Variants in ZFPM2 observed in about 807,000 individuals in gnomAD.
ZFPM2 encodes the protein zinc finger protein, FOG family member 2.
ZFPM2 carries 20 observed loss-of-function variants against 98.6 expected under a neutral mutation model. The ratio of observed to expected loss-of-function variants is 0.20; its 90% CI spans 0.14 to 0.29. The LOEUF (loss-of-function observed/expected upper bound fraction) is 0.29. ZFPM2 is among the 10% of genes least tolerant of loss of function. ZFPM2 has a pLI of 1.00. For missense variants in ZFPM2, 1,310 were observed against 1,388.6 expected (o/e 0.94, Z 0.90); for synonymous variants, 518 against 502.7 (o/e 1.03, Z -0.41).
At position 105,346,309 on chromosome 8, in the gene ZFPM2, G is replaced by C. The variant is rs528361982; in HGVS notation, c.40+27328G>C. Among the ~76,000 whole-genome samples, 6 of 151,830 alleles carry C rather than the reference G, an allele frequency of 4.0e-5. No individual in the cohort carries two copies. In the South Asian group the frequency reaches 1.2e-3, roughly 32 times the overall value. On this transcript the variant is annotated intron_variant, in intron 1 of 7. Transcript: ENST00000407775. ...TGAGGCAGGAGAATCGCTTGAACCC[G>C]GGAGGCGGAGGTTGCAGTGAGCCGA...
intron 1 of ZFPM2, among the ~76,000 whole-genome samples, chr8:105,320,515 A>G (rs1214132197): frequency 2.0e-5 from 3 of 152,166 alleles, no homozygotes; most frequent in South Asian, 2.1e-4. Context: ...TTAGGACTCA[A>G]TTGATCAGAT....
At chr8:105,346,777 G>T (rs533846871) in intron 1 of ZFPM2, among the ~76,000 whole-genome samples, 44 of 152,136 alleles carry the variant, frequency 2.9e-4, no homozygotes, top group Non-Finnish European at 3.7e-4. Flanking sequence ...GGGTTAAGGG[G>T]TTTTTTTTCA....
At chr8:105,655,043 AGT>A (rs1313373007) in intron 5 of ZFPM2, among the ~76,000 whole-genome samples, 2 of 152,142 alleles carry the variant, frequency 1.3e-5, no homozygotes, top group African/African-American at 4.8e-5. Context: ...TTATTTACAT[AGT>A]AATGATAAAT....
chr8:105,374,824 A>G (rs1810691650), intron 1 of ZFPM2, among the ~76,000 whole-genome samples: 1 of 152,148 alleles, frequency 6.6e-6, no homozygotes, highest in South Asian at 2.1e-4. Context: ...TCAGAGTCCA[A>G]GATAACTCCT....
At chr8:105,460,762 A>G (rs1057228494) in intron 3 of ZFPM2, among the ~76,000 whole-genome samples, 10 of 147,578 alleles carry the variant, frequency 6.8e-5, no homozygotes, top group African/African-American at 2.5e-4. Context: ...GGTTATACAT[A>G]CAAAATGAAC....
At chr8:105,435,896 A>C (rs1812110481) in intron 2 of ZFPM2, among the ~76,000 whole-genome samples, 1 of 152,210 alleles carries the variant, frequency 6.6e-6, no homozygotes, top group African/African-American at 2.4e-5. Flanking sequence ...GCATTAAAAA[A>C]TGAATTATGT....
At chr8:105,604,139 G>A (rs1816148800) in intron 4 of ZFPM2, among the ~76,000 whole-genome samples, 1 of 151,948 alleles carries the variant, frequency 6.6e-6, no homozygotes, top group Admixed American at 6.6e-5. Context: ...ACCCTAAGAT[G>A]ACTCCTATCT....
chr8:105,531,466 G>T (rs772826000), intron 3 of ZFPM2, among the ~76,000 whole-genome samples: 4 of 152,034 alleles, frequency 2.6e-5, no homozygotes, highest in Non-Finnish European at 5.9e-5. Context: ...GTCATCTCAT[G>T]ACCATCTTCT....
At chr8:105,670,495 CAAAAAAA>C (rs1160128174) in intron 5 of ZFPM2, among the ~76,000 whole-genome samples, 2 of 49,278 alleles carry the variant, frequency 4.1e-5, no homozygotes, top group Non-Finnish European at 7.3e-5. Context: ...GAGTCCATCT[CAAAAAAA>C]AAAAAAAAAA....
At position 105,364,331 on chromosome 8, in the gene ZFPM2, C is replaced by T. The variant is rs1179989069; in HGVS notation, c.40+45350C>T. Among the ~76,000 whole-genome samples the T allele has an allele frequency of 4.0e-5, 6 of 151,522 alleles. No homozygotes were observed. The East Asian group carries it at 1.2e-3, about 29-fold the overall frequency. On this transcript the variant is annotated intron_variant, in intron 1 of 7. Coordinates refer to ENST00000407775, the MANE Select transcript of ZFPM2 (RefSeq NM_012082.4). ...ATAATTACTAGGTCAAGAAATAGGGCAATTAAAAAAATAATTCATGGCAAG... is the reference window on the plus strand; with the variant it reads ...ATAATTACTAGGTCAAGAAATAGGGTAATTAAAAAAATAATTCATGGCAAG...
intron 5 of ZFPM2, among the ~76,000 whole-genome samples, chr8:105,780,089 T>C (rs1167158597): frequency 4.6e-5 from 7 of 152,228 alleles, no homozygotes; most frequent in African/African-American, 1.4e-4. Flanking sequence ...TTAGTAGTTA[T>C]TCCTTTTCAC....
intron 5 of ZFPM2, among the ~76,000 whole-genome samples, chr8:105,743,299 A>G (rs1381073459): frequency 6.6e-6 from 1 of 151,992 alleles, no homozygotes; most frequent in African/African-American, 2.4e-5. Context: ...GGGAGAGAGA[A>G]TTTCAGTCAG....
intron 5 of ZFPM2, chr8:105,784,984 C>T (rs1430714550): frequency 3.0e-5 from 4 of 132,426 alleles, no homozygotes; most frequent in Non-Finnish European, 4.4e-5. Flanking sequence ...TTTGATTTCC[C>T]TCTAACATTT....
chr8:105,777,872 G>A (rs534194403), intron 5 of ZFPM2, among the ~76,000 whole-genome samples: 22 of 152,310 alleles, frequency 1.4e-4, no homozygotes, highest in African/African-American at 5.3e-4. Flanking sequence ...GGCTAAAAGA[G>A]TAGTGCTTAA....
intron 5 of ZFPM2, among the ~76,000 whole-genome samples, chr8:105,725,036 A>G (rs1211204334): frequency 1.3e-5 from 2 of 151,804 alleles, no homozygotes; most frequent in Non-Finnish European, 2.9e-5. Context: ...TGCCTTTACA[A>G]TACAACATCC....
intron 5 of ZFPM2, among the ~76,000 whole-genome samples, chr8:105,777,451 G>T (rs1036831051): frequency 2.6e-4 from 39 of 152,026 alleles, no homozygotes; most frequent in African/African-American, 9.4e-4. Flanking sequence ...CTCTCCTTTG[G>T]TCCAAATGCA....
chr8:105,558,181 C>A (rs900075819), intron 3 of ZFPM2, among the ~76,000 whole-genome samples: 2 of 152,102 alleles, frequency 1.3e-5, no homozygotes, highest in Non-Finnish European at 2.9e-5. Context: ...AATGTAACTT[C>A]CCTTTATACA....
intron 5 of ZFPM2, among the ~76,000 whole-genome samples, chr8:105,759,650 C>T (rs1401709537): frequency 1.3e-5 from 2 of 150,612 alleles, no homozygotes; most frequent in Non-Finnish European, 3.0e-5. Context: ...TGGATAATAA[C>T]TTGCTAGGGT....
intron 3 of ZFPM2, among the ~76,000 whole-genome samples, chr8:105,460,803 G>T (rs994396506): frequency 6.6e-5 from 10 of 151,290 alleles, no homozygotes; most frequent in Middle Eastern, 3.3e-3. Flanking sequence ...AAAAAAAAAT[G>T]CTCCATGCAT....
Sources: gnomAD v4.1 joint callset for allele counts (sites outside exome capture counted in the v4.1 genomes callset) on GRCh38, gnomAD v4.1.1 for gene constraint, MANE v1.5 for transcripts, NCBI Gene and HGNC (gene_info 2026-07-23, HGNC 2026-07-21) for gene names.